The following PLPPR1 variants were observed in gnomAD, a reference collection of about 807,000 sequenced individuals.
The protein encoded by PLPPR1 is phospholipid phosphatase related 1.
PLPPR1 carries 10 observed loss-of-function variants against 33.1 expected under a neutral mutation model. The ratio of observed to expected loss-of-function variants is 0.30; its 90% CI spans 0.19 to 0.51. The LOEUF is 0.51. PLPPR1 is among the 20% of genes least tolerant of loss of function. The pLI, the probability that PLPPR1 is intolerant of heterozygous loss-of-function variation, is 0.97. For missense variants in PLPPR1, 304 were observed against 408.1 expected (o/e 0.74, Z 2.20); for synonymous variants, 151 against 151.0 (o/e 1.00, Z 0.00).
At chr9:101,172,764 G>A (rs1055357442) in intron 1 of PLPPR1, among the ~76,000 whole-genome samples, 6 of 151,992 alleles carry the variant, frequency 3.9e-5, no homozygotes, top group Admixed American at 2.0e-4. Flanking sequence ...CCCAACTCAG[G>A]GTGATCGCTG....
At position 101,065,598 on chromosome 9, in the gene PLPPR1, G is replaced by A. The variant is rs377353155; in HGVS notation, c.-46+36496G>A. On this transcript the variant is annotated intron_variant, in intron 1 of 7. Transcript: ENST00000374874. ...GTCAAGCATTCTGGGATGCTGCTCT[G>A]TAACCATCTCAGTAAAGTCTTCTCA... 6.4e-4 allele frequency among the ~76,000 whole-genome samples: 98 copies of A among 152,162 alleles called. 3 individuals are homozygous for A. The highest frequency in any genetic ancestry group is 2.3e-3 in the African/African-American group (95 of 41,540).
At chr9:101,178,824 A>G (rs1826056694) in intron 1 of PLPPR1, among the ~76,000 whole-genome samples, 1 of 152,130 alleles carries the variant, frequency 6.6e-6, no homozygotes, top group Non-Finnish European at 1.5e-5. Flanking sequence ...GGAATCAAGG[A>G]ATGGAAGTGG....
chr9:101,309,523 C>G, intron 5 of PLPPR1, 62 bp downstream of exon 5: 1 of 1,549,780 alleles, frequency 6.5e-7, no homozygotes, highest in Non-Finnish European at 8.8e-7. Flanking sequence ...GTCTCCCTGC[C>G]CTGTCTCCAT....
chr9:101,127,876 A>C (rs985894437), intron 1 of PLPPR1, among the ~76,000 whole-genome samples: 2 of 152,174 alleles, frequency 1.3e-5, no homozygotes, highest in African/African-American at 2.4e-5. Flanking sequence ...GGTGGGGTAA[A>C]TGAGGAGAAT....
chr9:101,203,713 A>G (rs1826534908), intron 2 of PLPPR1, among the ~76,000 whole-genome samples: 1 of 46,570 alleles, frequency 2.1e-5, no homozygotes, highest in Non-Finnish European at 6.8e-5. Context: ...ATATCTATAT[A>G]CACATTATAT....
intron 3 of PLPPR1, among the ~76,000 whole-genome samples, chr9:101,277,511 A>C (rs1828218659): frequency 6.6e-6 from 1 of 152,206 alleles, no homozygotes; most frequent in Non-Finnish European, 1.5e-5. Context: ...CTGGCCTTGG[A>C]GAGCTTAACT....
chr9:101,142,535 G>A (rs1363720050), intron 1 of PLPPR1, among the ~76,000 whole-genome samples: 1 of 152,170 alleles, frequency 6.6e-6, no homozygotes, highest in Non-Finnish European at 1.5e-5. Flanking sequence ...CCAGCTTGCT[G>A]TGTGGCCAGA....
At chr9:101,133,275 T>C (rs893743614) in intron 1 of PLPPR1, among the ~76,000 whole-genome samples, 1 of 152,184 alleles carries the variant, frequency 6.6e-6, no homozygotes, top group African/African-American at 2.4e-5. Flanking sequence ...AGTTTTCAGC[T>C]GCTGGGAAGA....
intron 1 of PLPPR1, among the ~76,000 whole-genome samples, chr9:101,067,788 TTG>T (rs1022323035): frequency 3.9e-5 from 6 of 152,070 alleles, no homozygotes; most frequent in African/African-American, 1.4e-4. Flanking sequence ...GAGTTGAGTG[TTG>T]TGACTAAGAG....
chr9:101,041,055 C>T (rs1307408601), intron 1 of PLPPR1, among the ~76,000 whole-genome samples: 2 of 152,158 alleles, frequency 1.3e-5, no homozygotes, highest in Admixed American at 6.5e-5. Context: ...TCTGTGAACG[C>T]ATAGTGGAAA....
chr9:101,194,844 A>G (rs1196452270), intron 2 of PLPPR1, among the ~76,000 whole-genome samples: 1 of 152,220 alleles, frequency 6.6e-6, no homozygotes, highest in Non-Finnish European at 1.5e-5. Context: ...GTAGGCTATC[A>G]TAGTTGCAGA....
At chr9:101,192,313 A>C (rs1296587679) in intron 2 of PLPPR1, among the ~76,000 whole-genome samples, 1 of 152,234 alleles carries the variant, frequency 6.6e-6, no homozygotes, top group Non-Finnish European at 1.5e-5. Context: ...AAGAAGCAAA[A>C]GAGGCTTTTT....
chr9:101,259,105 C>G (rs1485979929), intron 2 of PLPPR1, among the ~76,000 whole-genome samples: 2 of 152,064 alleles, frequency 1.3e-5, no homozygotes, highest in African/African-American at 4.8e-5. Flanking sequence ...CTCTACATTT[C>G]TCCATATCAT....
chr9:101,223,165 A>AAG (rs1554739693), intron 2 of PLPPR1, among the ~76,000 whole-genome samples: 1 of 107,924 alleles, frequency 9.3e-6, no homozygotes, highest in African/African-American at 3.8e-5. Context: ...AAAAAAAAAA[A>AAG]AAAAAAAGAA....
intron 1 of PLPPR1, among the ~76,000 whole-genome samples, chr9:101,146,335 A>G (rs1176419124): frequency 1.3e-5 from 2 of 152,180 alleles, no homozygotes; most frequent in African/African-American, 4.8e-5. Context: ...TGAATGAAAA[A>G]GGGGTAATAC....
chr9:101,088,002 G>T (rs1054341744), intron 1 of PLPPR1, among the ~76,000 whole-genome samples: 1 of 152,144 alleles, frequency 6.6e-6, no homozygotes, highest in Admixed American at 6.5e-5. Context: ...TAGAGAGTTT[G>T]TCAACACTGC....
chr9:101,139,600 G>A (rs537128270), intron 1 of PLPPR1, among the ~76,000 whole-genome samples: 3 of 152,172 alleles, frequency 2.0e-5, no homozygotes, highest in East Asian at 3.9e-4. Flanking sequence ...AAGATGCCAG[G>A]GAGTGATTGC....
At chr9:101,242,058 G>T (rs1827481276) in intron 2 of PLPPR1, among the ~76,000 whole-genome samples, 1 of 151,950 alleles carries the variant, frequency 6.6e-6, no homozygotes, top group Non-Finnish European at 1.5e-5. Flanking sequence ...ATCCAAAATG[G>T]TTCAGAAGTC....
chr9:101,270,196 C>T (rs907620649), intron 3 of PLPPR1, 128 bp downstream of exon 3: 8 of 926,050 alleles, frequency 8.6e-6, no homozygotes, highest in Non-Finnish European at 1.3e-5. Flanking sequence ...CCTATTTCAG[C>T]CAAAACAGAG....
Sources: allele counts gnomAD v4.1 joint callset (sites outside exome capture counted in the v4.1 genomes callset), GRCh38; gene constraint gnomAD v4.1.1; transcripts MANE v1.5; gene names NCBI Gene and HGNC (gene_info 2026-07-23, HGNC 2026-07-21).